The following GALNT1 variants were observed in gnomAD, a reference collection of about 807,000 sequenced individuals.
The protein encoded by GALNT1 is GalNAc transferase 1.
In GALNT1, 17 loss-of-function variants were observed where a neutral mutation model predicts 65.7. The ratio of observed to expected loss-of-function variants is 0.26; its 90% confidence interval spans 0.18 to 0.39. The LOEUF (loss-of-function observed/expected upper bound fraction) is 0.39. Among genes scored for constraint, GALNT1 ranks in the 10% least tolerant of loss-of-function variants. The pLI is 1.00. For synonymous variants in GALNT1, 210 were observed against 219.7 expected (o/e 0.96, Z 0.39); for missense variants, 460 against 672.8 (o/e 0.68, Z 3.50).
intron 9 of GALNT1, among the ~76,000 whole-genome samples, chr18:35,700,547 A>G (rs1029048738): frequency 2.0e-5 from 3 of 152,186 alleles, no homozygotes; most frequent in Non-Finnish European, 4.4e-5. Context: ...TCCACTTTCA[A>G]CATCTAATGG....
chr18:35,697,304 T>G (rs1274727535), intron 9 of GALNT1, among the ~76,000 whole-genome samples: 2 of 152,200 alleles, frequency 1.3e-5, no homozygotes, highest in African/African-American at 2.4e-5. Context: ...TTCTGTGTTG[T>G]AAATAATATT....
At chr18:35,582,304 C>T (rs1292291990) in intron 1 of GALNT1, among the ~76,000 whole-genome samples, 2 of 152,176 alleles carry the variant, frequency 1.3e-5, no homozygotes, top group African/African-American at 2.4e-5. Flanking sequence ...GGACCCGGAC[C>T]TAAATTAGCA....
chr18:35,680,709 T>C (rs1302763973), intron 4 of GALNT1, among the ~76,000 whole-genome samples: 1 of 152,230 alleles, frequency 6.6e-6, no homozygotes, highest in Non-Finnish European at 1.5e-5. Context: ...AAGTAGGTGC[T>C]ATAATTATTC....
chr18:35,595,358 G>A (rs2046492448), intron 1 of GALNT1, among the ~76,000 whole-genome samples: 2 of 152,136 alleles, frequency 1.3e-5, no homozygotes, highest in South Asian at 4.2e-4. Flanking sequence ...TCCCAGACTT[G>A]TGGGAGGTGA....
chr18:35,651,315 A>G (rs115553623), intron 1 of GALNT1, among the ~76,000 whole-genome samples: 1,772 of 152,296 alleles, frequency 0.012, 45 homozygotes, highest in African/African-American at 0.04. Flanking sequence ...ATAATTTTGC[A>G]CCATAACTAT....
At chr18:35,600,216 T>G (rs1568013417) in intron 1 of GALNT1, among the ~76,000 whole-genome samples, 1 of 152,208 alleles carries the variant, frequency 6.6e-6, no homozygotes, top group Non-Finnish European at 1.5e-5. Context: ...TTTATAGTTT[T>G]CCTTGTAGAG....
chr18:35,683,524 C>A lies in GALNT1; in HGVS notation c.615C>A (p.Ile205=). 2.5e-6 allele frequency: 4 copies of A among 1,613,862 alleles called. No individual in the cohort carries two copies. Among genetic ancestry groups the A allele is most frequent in the South Asian group, 1.1e-5 (1 of 91,070 alleles). The change falls in exon 5 of 12, where the codon ATC becomes ATA. Residue 205 remains isoleucine (I), a synonymous_variant. Coordinates refer to ENST00000269195, the MANE Select transcript of GALNT1 (RefSeq NM_020474.4). The part of the protein sequence containing the change: ...KGAAVSKGQV[I]TFLDAHCECT... ...CTGCTGTGTCTAAAGGCCAAGTGATCACCTTCCTGGATGCCCATTGTGAGT... is the reference window on the plus strand; with the variant it reads ...CTGCTGTGTCTAAAGGCCAAGTGATAACCTTCCTGGATGCCCATTGTGAGT...
rs749785710 is a variant in GALNT1 at position 35,636,755 on chromosome 18, TTTTATTG to T, written c.-103-17803_-103-17797del. ...GGCATGTCCATGTTATTGTACTTTGTTTTATTGTACTTCACAGATACTACTTTGTTTT... is the reference window on the plus strand; with the variant it reads ...GGCATGTCCATGTTATTGTACTTTGTTACTTCACAGATACTACTTTGTTTT... On this transcript the variant is annotated intron_variant, in intron 1 of 11. Transcript: ENST00000269195. 8.5e-4 allele frequency among the ~76,000 whole-genome samples: 129 copies of T among 151,862 alleles called. 1 individual carries two copies. Among genetic ancestry groups the T allele is most frequent in the Middle Eastern group, 3.4e-3 (1 of 292 alleles).
At chr18:35,637,480 C>T (rs971111494) in intron 1 of GALNT1, among the ~76,000 whole-genome samples, 1 of 152,194 alleles carries the variant, frequency 6.6e-6, no homozygotes, top group East Asian at 1.9e-4. Context: ...CCCTTAAGTC[C>T]AGCCTAATCA....
intron 1 of GALNT1, among the ~76,000 whole-genome samples, chr18:35,595,543 C>T (rs920899712): frequency 6.6e-6 from 1 of 152,174 alleles, no homozygotes; most frequent in South Asian, 2.1e-4. Context: ...CAAGCTGCTG[C>T]GTGTCCACTC....
At chr18:35,709,407 C>CGA (rs1333239870) in intron 11 of GALNT1, among the ~76,000 whole-genome samples, 3 of 150,938 alleles carry the variant, frequency 2.0e-5, no homozygotes, top group African/African-American at 7.3e-5. Flanking sequence ...CTCCCTCATA[C>CGA]CTCTTTATCG....
intron 1 of GALNT1, among the ~76,000 whole-genome samples, chr18:35,600,197 C>G (rs991796205): frequency 6.6e-6 from 1 of 152,136 alleles, no homozygotes; most frequent in Non-Finnish European, 1.5e-5. Flanking sequence ...TAATTTCTTT[C>G]ATCAGTGTTT....
chr18:35,698,238 TGGGTG>T (rs1301920294), intron 9 of GALNT1, among the ~76,000 whole-genome samples: 1 of 152,040 alleles, frequency 6.6e-6, no homozygotes, highest in Non-Finnish European at 1.5e-5. Context: ...GAAGCCGAGG[TGGGTG>T]GATCACTTGA....
chr18:35,699,109 T>C (rs1303734964), intron 9 of GALNT1, among the ~76,000 whole-genome samples: 1 of 152,200 alleles, frequency 6.6e-6, no homozygotes, highest in African/African-American at 2.4e-5. Context: ...GTGGTCATAT[T>C]TGCCTTGTCA....
chr18:35,644,652 G>A lies in GALNT1; in HGVS notation c.-103-9908G>A, dbSNP rs1227007470. 1.3e-5 allele frequency among the ~76,000 whole-genome samples: 2 copies of A among 152,122 alleles called. 1 individual carries two copies. Among genetic ancestry groups the A allele is most frequent in the South Asian group, 4.1e-4 (2 of 4,836 alleles). ...TCTTTTTAGTTTTTCACACTTGTAT[G>A]GATTTGTTTTGGGTTACCATATGGT... On this transcript the variant is annotated intron_variant, in intron 1 of 11. Coordinates refer to ENST00000269195, the MANE Select transcript of GALNT1 (RefSeq NM_020474.4).
chr18:35,592,613 A>G (rs2046458705), intron 1 of GALNT1, among the ~76,000 whole-genome samples: 1 of 152,060 alleles, frequency 6.6e-6, no homozygotes. Flanking sequence ...AGTAGGAGAA[A>G]GCTCTGCTCC....
intron 1 of GALNT1, among the ~76,000 whole-genome samples, chr18:35,593,352 A>C (rs956130081): frequency 6.6e-6 from 1 of 152,164 alleles, no homozygotes; most frequent in African/African-American, 2.4e-5. Context: ...GCAGAAATCT[A>C]TTACCAGGGG....
intron 1 of GALNT1, among the ~76,000 whole-genome samples, chr18:35,651,312 T>A (rs964415912): frequency 6.6e-6 from 1 of 152,192 alleles, no homozygotes; most frequent in African/African-American, 2.4e-5. Flanking sequence ...TTCATAATTT[T>A]GCACCATAAC....
At chr18:35,664,040 G>T in intron 3 of GALNT1, 2 of 436,750 alleles carry the variant, frequency 4.6e-6, no homozygotes, top group Admixed American at 4.2e-5. Context: ...GGATTAGAAG[G>T]GGATTTTAAA....
Sources: allele counts gnomAD v4.1 joint callset (sites outside exome capture counted in the v4.1 genomes callset), GRCh38; gene constraint gnomAD v4.1.1; transcripts MANE v1.5; gene names NCBI Gene and HGNC (gene_info 2026-07-23, HGNC 2026-07-21).